Variants in GRM7 observed in about 807,000 individuals in gnomAD.
The protein encoded by GRM7 is glutamate metabotropic receptor 7.
A neutral mutation model predicts 84.5 loss-of-function variants in GRM7; 35 were observed. That is an observed-to-expected ratio of 0.41 (90% confidence interval 0.32 to 0.55). The LOEUF (loss-of-function observed/expected upper bound fraction) is 0.55. Among genes scored for constraint, GRM7 ranks in the 20% least tolerant of loss-of-function variants. GRM7 has a pLI of 0.19. For missense variants in GRM7, 1,003 were observed against 1,194.6 expected (o/e 0.84, Z 2.36); for synonymous variants, 487 against 455.1 (o/e 1.07, Z -0.89).
At chr3:7,527,520 T>C (rs1300746123) in intron 7 of GRM7, among the ~76,000 whole-genome samples, 1 of 152,036 alleles carries the variant, frequency 6.6e-6, no homozygotes, top group Non-Finnish European at 1.5e-5. Flanking sequence ...CTTTTATTTC[T>C]TTGTATTGCC....
chr3:7,281,986 G>A (rs1305303098), intron 2 of GRM7, among the ~76,000 whole-genome samples: 1 of 152,172 alleles, frequency 6.6e-6, no homozygotes, highest in Non-Finnish European at 1.5e-5. Context: ...GGGAGGCTGA[G>A]GCAGGATAAT....
chr3:7,732,229 G>A (rs1271633584), intron 9 of GRM7, among the ~76,000 whole-genome samples: 1 of 152,066 alleles, frequency 6.6e-6, no homozygotes. Flanking sequence ...TGGGCAGGAA[G>A]GGCAATTACA....
intron 7 of GRM7, among the ~76,000 whole-genome samples, chr3:7,464,662 C>G (rs1424686543): frequency 2.6e-5 from 4 of 151,724 alleles, no homozygotes; most frequent in Non-Finnish European, 4.4e-5. Flanking sequence ...AACCCCGTCT[C>G]TAAAAATACA....
chr3:7,478,971 A>G (rs1017946326), intron 7 of GRM7, among the ~76,000 whole-genome samples: 3 of 152,176 alleles, frequency 2.0e-5, no homozygotes, highest in African/African-American at 7.2e-5. Context: ...GCTGAGAACC[A>G]GAAGACAATT....
In GRM7 at chr3:7,473,270, C is replaced by G. The variant is rs139019608; in HGVS notation, c.1515+11548C>G. ...ATCACTTGGGGCCAGGAGTTTGAGA[C>G]CAGCCTGGACAACAAAGCAAAACCC... On this transcript the variant is annotated intron_variant, in intron 7 of 9. Coordinates refer to ENST00000357716, the MANE Select transcript of GRM7 (RefSeq NM_000844.4). 2.4e-3 allele frequency among the ~76,000 whole-genome samples: 362 copies of G among 152,130 alleles called. 2 individuals are homozygous for G. The highest frequency in any genetic ancestry group is 8.1e-3 in the African/African-American group (336 of 41,488).
At chr3:7,650,217 G>A (rs983325096) in intron 8 of GRM7, among the ~76,000 whole-genome samples, 10 of 152,158 alleles carry the variant, frequency 6.6e-5, no homozygotes, top group Non-Finnish European at 1.3e-4. Context: ...ATAAGCCCAT[G>A]AGCTACAGAG....
At chr3:7,431,196 G>C (rs765564836) in intron 5 of GRM7, among the ~76,000 whole-genome samples, 27 of 152,210 alleles carry the variant, frequency 1.8e-4, no homozygotes, top group Non-Finnish European at 3.5e-4. Context: ...TCAAACTCTA[G>C]TCTGTACAAT....
chr3:7,355,856 C>T (rs1384220681), intron 4 of GRM7, among the ~76,000 whole-genome samples: 3 of 152,078 alleles, frequency 2.0e-5, no homozygotes, highest in African/African-American at 7.2e-5. Context: ...CAGTCTGCAC[C>T]TGTGGTTTCA....
At chr3:7,197,225 C>A (rs1695908423) in intron 2 of GRM7, among the ~76,000 whole-genome samples, 1 of 152,160 alleles carries the variant, frequency 6.6e-6, no homozygotes, top group Non-Finnish European at 1.5e-5. Flanking sequence ...GTGCTTAAGA[C>A]CGAATTCCCA....
In GRM7 at chr3:7,110,613, G is replaced by GCACACA. The variant is rs56290309; in HGVS notation, c.520-35838_520-35833dup. 3.6e-5 allele frequency among the ~76,000 whole-genome samples: 4 copies of GCACACA among 112,110 alleles called. No homozygotes were observed. The East Asian group carries it at 1.1e-3, about 30-fold the overall frequency. 73.5% of individuals were successfully genotyped at this position (112,110 alleles called of 152,430 possible). ...CTGTCACACACACACACACACACAC[G>GCACACA]CACACAATTATATATATATAATTTT... On this transcript the variant is annotated intron_variant, in intron 1 of 9. Transcript: ENST00000357716.
At chr3:7,208,589 A>T (rs1333320313) in intron 2 of GRM7, among the ~76,000 whole-genome samples, 1 of 152,174 alleles carries the variant, frequency 6.6e-6, no homozygotes, top group Non-Finnish European at 1.5e-5. Context: ...GGGCCTATAT[A>T]TACCCAGCAC....
At chr3:7,455,872 T>A (rs1342666485) in intron 6 of GRM7, among the ~76,000 whole-genome samples, 1 of 152,162 alleles carries the variant, frequency 6.6e-6, no homozygotes, top group Non-Finnish European at 1.5e-5. Context: ...AAAAACTCTT[T>A]ACTTTTTTCT....
At chr3:7,293,312 G>A (rs7650536) in intron 2 of GRM7, among the ~76,000 whole-genome samples, 23,892 of 152,010 alleles carry the variant, frequency 0.16, 5,578 homozygotes, top group African/African-American at 0.51. Flanking sequence ...TAGCTACCAT[G>A]CGCAGACAGA....
chr3:7,562,230 C>G (rs1422361426), intron 7 of GRM7, among the ~76,000 whole-genome samples: 4 of 151,950 alleles, frequency 2.6e-5, no homozygotes, highest in African/African-American at 9.7e-5. Context: ...GTCTTGCTAA[C>G]TTGAGCTGGA....
intron 9 of GRM7, among the ~76,000 whole-genome samples, chr3:7,707,732 C>T (rs3804822): frequency 0.049 from 7,396 of 152,242 alleles, 229 homozygotes; most frequent in South Asian, 0.12. Context: ...GTCTACTACT[C>T]GCTGTCTCTG....
At chr3:7,398,961 C>A (rs189107326) in intron 4 of GRM7, among the ~76,000 whole-genome samples, 35 of 152,100 alleles carry the variant, frequency 2.3e-4, no homozygotes, top group Middle Eastern at 3.4e-3. Context: ...CCTTCAAATG[C>A]GGGCATTTCC....
intron 8 of GRM7, among the ~76,000 whole-genome samples, chr3:7,596,569 G>T (rs1575536843): frequency 1.3e-5 from 2 of 152,074 alleles, no homozygotes; most frequent in Non-Finnish European, 1.5e-5. Flanking sequence ...AAATGGGAGG[G>T]AACAGTTACC....
intron 1 of GRM7, among the ~76,000 whole-genome samples, chr3:6,981,493 T>C (rs1694197286): frequency 6.6e-6 from 1 of 152,190 alleles, no homozygotes; most frequent in Non-Finnish European, 1.5e-5. Context: ...AGGCTGATGT[T>C]GGCATAGGTT....
intron 9 of GRM7, among the ~76,000 whole-genome samples, chr3:7,708,940 A>T (rs1701490157): frequency 6.6e-6 from 1 of 151,858 alleles, no homozygotes; most frequent in Non-Finnish European, 1.5e-5. Flanking sequence ...TGCACACACA[A>T]CTGAGACTTT....
Sources: gnomAD v4.1 joint callset for allele counts (sites outside exome capture counted in the v4.1 genomes callset) on GRCh38, gnomAD v4.1.1 for gene constraint, MANE v1.5 for transcripts, NCBI Gene and HGNC (gene_info 2026-07-23, HGNC 2026-07-21) for gene names.